Variants in XYLT1 observed in about 807,000 individuals in gnomAD.
XYLT1 encodes xylosyltransferase 1, also known as beta-D-xylosyltransferase 1.
In XYLT1, 36 loss-of-function variants were observed where a neutral mutation model predicts 91.3. The ratio of observed to expected loss-of-function variants is 0.39; its 90% CI spans 0.30 to 0.52. The LOEUF (loss-of-function observed/expected upper bound fraction) is 0.52. Ranked by LOEUF, XYLT1 falls within the 20% of genes least tolerant of loss-of-function variation. XYLT1 has a pLI of 0.68. For synonymous variants in XYLT1, 588 were observed against 532.0 expected, an observed-to-expected ratio of 1.11 and a Z score of -1.45; for missense variants, 1,242 against 1,284.5, an observed-to-expected ratio of 0.97 and a Z score of 0.51.
rs1345494641 is a variant in XYLT1, at chr16:17,179,310, C to T, written c.1289+18902G>A. 2.6e-5 allele frequency among the ~76,000 whole-genome samples: 4 copies of T among 152,150 alleles called. No homozygotes were observed. The East Asian group carries it at 5.8e-4, about 22-fold the overall frequency. ...CACCTGAATGATGCAGTAATTTGTA[C>T]ACCAAACCCCCAGGACACACAATTT... On this transcript the variant is annotated intron_variant, in intron 5 of 11. Coordinates refer to ENST00000261381, the MANE Select transcript of XYLT1 (RefSeq NM_022166.4).
chr16:17,178,028 G>A (rs917375043), intron 5 of XYLT1, among the ~76,000 whole-genome samples: 3 of 152,122 alleles, frequency 2.0e-5, no homozygotes, highest in Non-Finnish European at 4.4e-5. Flanking sequence ...GGTGAATTAC[G>A]GTGCTAATGA....
intron 3 of XYLT1, among the ~76,000 whole-genome samples, chr16:17,213,041 A>G (rs999999674): frequency 2.6e-5 from 4 of 152,196 alleles, no homozygotes; most frequent in Admixed American, 6.5e-5. Context: ...TGTGTCCCCA[A>G]CCAAATCTCA....
At chr16:17,184,472 T>C (rs1441375625) in intron 5 of XYLT1, among the ~76,000 whole-genome samples, 1 of 152,212 alleles carries the variant, frequency 6.6e-6, no homozygotes, top group African/African-American at 2.4e-5. Flanking sequence ...AACAGTAGTA[T>C]AATTCTCTCT....
intron 1 of XYLT1, among the ~76,000 whole-genome samples, chr16:17,442,448 G>T (rs1479680181): frequency 1.3e-5 from 2 of 151,842 alleles, no homozygotes; most frequent in Non-Finnish European, 2.9e-5. Context: ...GGGTTATGGG[G>T]TGCCCAGATA....
At chr16:17,151,729 G>A (rs1216182373) in intron 6 of XYLT1, among the ~76,000 whole-genome samples, 2 of 152,198 alleles carry the variant, frequency 1.3e-5, no homozygotes, top group Non-Finnish European at 2.9e-5. Context: ...TAGGGAGGCA[G>A]CTCAGATGCC....
intron 5 of XYLT1, among the ~76,000 whole-genome samples, chr16:17,172,824 G>T (rs191734237): frequency 6.6e-6 from 1 of 152,048 alleles, no homozygotes; most frequent in Non-Finnish European, 1.5e-5. Context: ...TCAACAGCTG[G>T]GTATCACTTT....
intron 5 of XYLT1, among the ~76,000 whole-genome samples, chr16:17,181,375 G>A (rs549208216): frequency 5.3e-5 from 8 of 152,308 alleles, no homozygotes; most frequent in Non-Finnish European, 5.9e-5. Context: ...GAAAGAAGGA[G>A]AGAATAAGGA....
At chr16:17,154,538 C>A (rs978076487) in intron 6 of XYLT1, among the ~76,000 whole-genome samples, 1 of 152,208 alleles carries the variant, frequency 6.6e-6, no homozygotes, top group South Asian at 2.1e-4. Context: ...TTTCCAAATA[C>A]CTGATTATTC....
At chr16:17,197,860 T>C (rs964900355) in intron 5 of XYLT1, among the ~76,000 whole-genome samples, 6 of 152,186 alleles carry the variant, frequency 3.9e-5, no homozygotes, top group Admixed American at 3.3e-4. Context: ...CTTGTGATTG[T>C]GTGAGTCAAT....
intron 5 of XYLT1, among the ~76,000 whole-genome samples, chr16:17,160,972 G>C (rs1428741565): frequency 6.6e-6 from 1 of 152,162 alleles, no homozygotes; most frequent in Non-Finnish European, 1.5e-5. Flanking sequence ...TTGTCCTGAT[G>C]AATACGAGAC....
At chr16:17,134,874 T>C in intron 8 of XYLT1, 139 bp from the exon 9 acceptor site, 1 of 987,000 alleles carries the variant, frequency 1.0e-6, no homozygotes, top group Non-Finnish European at 1.5e-6. Context: ...CACCTCTGTG[T>C]TCTCAGTTTC....
At position 17,258,988 on chromosome 16, in the gene XYLT1, C is replaced by G; in HGVS notation, c.913G>C (p.Gly305Arg). 2.0e-6 allele frequency: 3 copies of G among 1,495,826 alleles called. No homozygotes were observed. The highest frequency in any genetic ancestry group is 2.7e-6 in the Non-Finnish European group (3 of 1,121,818). 92.7% of individuals were successfully genotyped at this position (1,495,826 alleles called of 1,614,324 possible). Residue 305 changes from glycine to arginine, a missense_variant and splice_region_variant, in exon 3 of 12, where the codon GGT becomes CGT. This residue lies in a region of XYLT1 where 437 missense variants were observed against 411.5 expected (regional missense o/e 1.06). Coordinates refer to ENST00000261381, the MANE Select transcript of XYLT1 (RefSeq NM_022166.4). ...CTGAGCCAGCGGGGTTGGAACTTAC[C>G]CTCGAGGGGGCAGAACCGAGTCACC... Reference protein sequence around the residue: ...EKVTRFCPLEGKANKNVQWDE... With the variant: ...EKVTRFCPLERKANKNVQWDE...
intron 10 of XYLT1, among the ~76,000 whole-genome samples, chr16:17,124,426 G>C (rs2030186463): frequency 6.6e-6 from 1 of 152,168 alleles, no homozygotes; most frequent in African/African-American, 2.4e-5. Context: ...TTTTGTTTAA[G>C]GAGGCTAAAG....
At chr16:17,383,402 T>C (rs1596516246) in intron 1 of XYLT1, among the ~76,000 whole-genome samples, 1 of 151,800 alleles carries the variant, frequency 6.6e-6, no homozygotes, top group African/African-American at 2.4e-5. Context: ...CCACCACGAC[T>C]CTATCCTGTA....
intron 5 of XYLT1, among the ~76,000 whole-genome samples, chr16:17,167,721 C>T (rs750048201): frequency 5.9e-5 from 9 of 151,950 alleles, no homozygotes; most frequent in Non-Finnish European, 1.0e-4. Flanking sequence ...CTTTCCATCT[C>T]GTGAATGGAT....
chr16:17,248,842 G>C (rs2033488618), intron 3 of XYLT1, among the ~76,000 whole-genome samples: 1 of 150,478 alleles, frequency 6.6e-6, no homozygotes, highest in African/African-American at 2.5e-5. Context: ...CCTCCTCCCG[G>C]GCTAAAGCAA....
At chr16:17,198,097 T>G (rs2032465908) in intron 5 of XYLT1, 115 bp downstream of exon 5, 1 of 1,081,016 alleles carries the variant, frequency 9.3e-7, no homozygotes, top group South Asian at 1.5e-5. Context: ...AATCCTATCC[T>G]GAGCGATCCT....
At chr16:17,134,778 T>C in intron 8 of XYLT1, 43 bp from the exon 9 acceptor site, 2 of 1,604,438 alleles carry the variant, frequency 1.2e-6, no homozygotes, top group Non-Finnish European at 1.7e-6. Context: ...CATCAGCGAG[T>C]GCTGGGGGTT....
chr16:17,263,899 G>A (rs1222572445), intron 2 of XYLT1, among the ~76,000 whole-genome samples: 1 of 151,978 alleles, frequency 6.6e-6, no homozygotes, highest in Non-Finnish European at 1.5e-5. Flanking sequence ...AGTAGAGACG[G>A]GTTTTCACCA....
Sources: allele counts gnomAD v4.1 joint callset (sites outside exome capture counted in the v4.1 genomes callset), GRCh38; gene constraint gnomAD v4.1.1; regional missense constraint gnomAD v4.1.1; transcripts MANE v1.5; gene names NCBI Gene and HGNC (gene_info 2026-07-23, HGNC 2026-07-21).